The following PPFIA2 variants were observed in gnomAD, a reference collection of about 807,000 sequenced individuals.
PPFIA2 encodes PPFI scaffold protein A2, also known as liprin-alpha-2.
A neutral mutation model predicts 175.5 loss-of-function variants in PPFIA2; 46 were observed. The observed-to-expected ratio is 0.26, with a 90% CI of 0.21 to 0.34. The LOEUF (loss-of-function observed/expected upper bound fraction) is 0.34, where lower values mean the gene tolerates loss of function less well. PPFIA2 is among the 10% of genes least tolerant of loss of function. The pLI is 1.00. For missense variants in PPFIA2, 1,179 were observed against 1,506.1 expected (o/e 0.78, Z 3.60); for synonymous variants, 568 against 511.4 (o/e 1.11, Z -1.49).
At chr12:81,745,962 A>G (rs2083006432) in intron 3 of PPFIA2, among the ~76,000 whole-genome samples, 1 of 146,352 alleles carries the variant, frequency 6.8e-6, no homozygotes, top group Admixed American at 7.1e-5. Flanking sequence ...TTCCAAAACA[A>G]AAGTATTTCT....
intron 7 of PPFIA2, among the ~76,000 whole-genome samples, chr12:81,410,610 C>T (rs17008518): frequency 0.26 from 38,798 of 151,902 alleles, 6,461 homozygotes; most frequent in East Asian, 0.53. Context: ...CATTTGCTTT[C>T]AGGTATCCCT....
At chr12:81,675,957 G>C (rs2072432845) in intron 4 of PPFIA2, among the ~76,000 whole-genome samples, 1 of 152,024 alleles carries the variant, frequency 6.6e-6, no homozygotes, top group Admixed American at 6.6e-5. Context: ...ATCTGAGTGA[G>C]AAAGAGCTAG....
At chr12:81,601,265 T>C (rs2059763168) in intron 4 of PPFIA2, among the ~76,000 whole-genome samples, 1 of 151,980 alleles carries the variant, frequency 6.6e-6, no homozygotes, top group South Asian at 2.1e-4. Flanking sequence ...GAACATTTTT[T>C]CCTATGATTA....
At chr12:81,422,124 GTGTGTATATATA>G (rs1235863772) in intron 7 of PPFIA2, among the ~76,000 whole-genome samples, 4 of 133,416 alleles carry the variant, frequency 3.0e-5, no homozygotes, top group Admixed American at 2.3e-4. Flanking sequence ...GTATATATAT[GTGTGTATATATA>G]TGTGTATATA....
intron 4 of PPFIA2, among the ~76,000 whole-genome samples, chr12:81,629,999 A>G (rs1344774753): frequency 6.6e-6 from 1 of 152,156 alleles, no homozygotes; most frequent in Admixed American, 6.5e-5. Context: ...CTTATAAGAG[A>G]GAGGCAGGAG....
At chr12:81,469,603 C>T (rs2056371580) in intron 4 of PPFIA2, among the ~76,000 whole-genome samples, 3 of 152,304 alleles carry the variant, frequency 2.0e-5, no homozygotes, top group Non-Finnish European at 1.5e-5. Flanking sequence ...CCTAAGCATA[C>T]TAAACCTATA....
intron 4 of PPFIA2, among the ~76,000 whole-genome samples, chr12:81,608,700 T>G (rs1349731446): frequency 6.6e-6 from 1 of 152,052 alleles, no homozygotes; most frequent in East Asian, 1.9e-4. Flanking sequence ...TTTGCTAATA[T>G]AGCTAGTAGT....
intron 26 of PPFIA2, among the ~76,000 whole-genome samples, chr12:81,282,227 T>C (rs1460623125): frequency 2.6e-5 from 4 of 152,038 alleles, no homozygotes; most frequent in African/African-American, 7.2e-5. Flanking sequence ...GAATTCCCAT[T>C]TAGTTCCTTA....
chr12:81,477,477 T>G (rs2057628149), intron 4 of PPFIA2, among the ~76,000 whole-genome samples: 1 of 152,226 alleles, frequency 6.6e-6, no homozygotes, highest in African/African-American at 2.4e-5. Flanking sequence ...GCTGGTCTTG[T>G]GCCGGTCTTC....
At chr12:81,585,038 A>T (rs1308465025) in intron 4 of PPFIA2, among the ~76,000 whole-genome samples, 1 of 102,670 alleles carries the variant, frequency 9.7e-6, no homozygotes, top group Non-Finnish European at 2.0e-5. Context: ...AATTATATTT[A>T]TATATAATAT....
intron 3 of PPFIA2, among the ~76,000 whole-genome samples, chr12:81,714,999 G>A (rs760000472): frequency 6.6e-6 from 1 of 150,908 alleles, no homozygotes; most frequent in Non-Finnish European, 1.5e-5. Context: ...ATAGTCAATG[G>A]GTGTTAATGA....
chr12:81,474,501 C>T (rs2146422354), intron 4 of PPFIA2, among the ~76,000 whole-genome samples: 1 of 152,108 alleles, frequency 6.6e-6, no homozygotes, highest in South Asian at 2.1e-4. Flanking sequence ...CATGCTGGCT[C>T]CACTGGTCTT....
intron 3 of PPFIA2, among the ~76,000 whole-genome samples, chr12:81,705,434 G>T (rs141049829): frequency 6.9e-6 from 1 of 145,562 alleles, no homozygotes; most frequent in Non-Finnish European, 1.5e-5. Flanking sequence ...CCAGCCTGGG[G>T]TGACAGAACA....
At chr12:81,351,747 A>C (rs1221434927) in intron 17 of PPFIA2, among the ~76,000 whole-genome samples, 4 of 151,046 alleles carry the variant, frequency 2.6e-5, no homozygotes, top group Admixed American at 6.6e-5. Context: ...TTAAAAAAAA[A>C]AAAAAAAAAA....
chr12:81,527,660 T>C (rs576903874), intron 4 of PPFIA2, among the ~76,000 whole-genome samples: 1 of 152,290 alleles, frequency 6.6e-6, no homozygotes, highest in African/African-American at 2.4e-5. Context: ...CAATTTATTA[T>C]ATATTTCTGA....
intron 8 of PPFIA2, among the ~76,000 whole-genome samples, chr12:81,400,770 G>A (rs1303463650): frequency 6.6e-6 from 1 of 152,082 alleles, no homozygotes; most frequent in Non-Finnish European, 1.5e-5. Context: ...GCTCAAAGTG[G>A]GAATGATAAG....
chr12:81,354,710 C>T (rs1160360628), intron 16 of PPFIA2, among the ~76,000 whole-genome samples: 1 of 151,736 alleles, frequency 6.6e-6, no homozygotes, highest in African/African-American at 2.4e-5. Context: ...GCGGCTTGAT[C>T]TCGGCTCACT....
At chr12:81,309,714 G>A (rs775559266) in intron 22 of PPFIA2, among the ~76,000 whole-genome samples, 3 of 151,910 alleles carry the variant, frequency 2.0e-5, no homozygotes, top group African/African-American at 7.3e-5. Flanking sequence ...TATTTAAACC[G>A]TTTATCTTCA....
intron 4 of PPFIA2, among the ~76,000 whole-genome samples, chr12:81,664,042 C>T (rs1311443953): frequency 6.6e-6 from 1 of 152,008 alleles, no homozygotes; most frequent in Non-Finnish European, 1.5e-5. Context: ...ATAAATTCAA[C>T]ATGGATTAAA....
Sources: allele counts gnomAD v4.1 joint callset (sites outside exome capture counted in the v4.1 genomes callset), GRCh38; gene constraint gnomAD v4.1.1; transcripts MANE v1.5; gene names NCBI Gene and HGNC (gene_info 2026-07-23, HGNC 2026-07-21).